CD84: variants seen among roughly 807,000 people sequenced by gnomAD.
CD84 encodes CD84 molecule.
CD84 carries 22 observed loss-of-function variants against 33.8 expected under a neutral mutation model. That is an observed-to-expected ratio of 0.65 (90% CI 0.46 to 0.93). The LOEUF is 0.93. Among genes scored for constraint, CD84 ranks in the 40% least tolerant of loss-of-function variants. The pLI is 0.00. For synonymous variants in CD84, 154 were observed against 145.2 expected (o/e 1.06, Z -0.44); for missense variants, 400 against 397.6 (o/e 1.01, Z -0.05).
At chr1:160,562,885 A>C (rs1657080382) in intron 2 of CD84, among the ~76,000 whole-genome samples, 1 of 151,976 alleles carries the variant, frequency 6.6e-6, no homozygotes, top group South Asian at 2.1e-4. Context: ...GGAAAAAACA[A>C]ACAGAAAAAA....
At chr1:160,553,105 A>T in intron 4 of CD84, 1 of 593,426 alleles carries the variant, frequency 1.7e-6, no homozygotes, top group East Asian at 2.9e-5. Flanking sequence ...ACACTCGTAC[A>T]GTGAAGCACA....
rs1191324169 is a variant in CD84, at chr1:160,545,622, ATTATT to A, written c.*2629_*2633del. Reference sequence around the variant, plus strand: ...CAGCCTCTGATGTATGCATCCTGATATTATTTTATTTTATTTTTATTTTTTGAGAC... The same window carrying A: ...CAGCCTCTGATGTATGCATCCTGATATTATTTTATTTTTATTTTTTGAGAC... On this transcript the variant is annotated 3_prime_UTR_variant, in exon 7 of 7. Transcript: ENST00000368054. The A allele has an allele frequency of 6.6e-6, 1 of 151,918 alleles. No individual in the cohort carries two copies. The highest frequency in any genetic ancestry group is 2.4e-5 in the African/African-American group (1 of 41,340). The allele number at this position is 151,918 out of a possible 1,614,324, so 9.4% of individuals were successfully genotyped here. A position where few individuals can be genotyped will look rare whatever the true frequency, so the allele number is the denominator to read the frequency against.
At chr1:160,559,861 A>T (rs369198181) in intron 2 of CD84, among the ~76,000 whole-genome samples, 1 of 152,278 alleles carries the variant, frequency 6.6e-6, no homozygotes, top group East Asian at 1.9e-4. Context: ...CTTTAAAGCA[A>T]CAAAGATAAA....
rs778097397 is a variant in CD84 at position 160,565,610 on chromosome 1, G to A, written c.182C>T (p.Ala61Val). The change falls in exon 2 of 7, where the codon GCT (alanine) becomes GTT (valine). Residue 61 changes from alanine to valine, a missense_variant. By Grantham distance (64) the Ala-to-Val change is moderately conservative. Coordinates refer to ENST00000368054, the MANE Select transcript of CD84 (RefSeq NM_003874.4). The part of the protein sequence containing the change: ...IIAWTSKTSV[A>V]YVTPGDSETA... ...TTCTGAGTCTCCTGGTGTTACATAA[G>A]CAACAGATGTTTTAGAAGTCCAAGC... 12 of 1,613,884 alleles carry A rather than the reference G, an allele frequency of 7.4e-6. No homozygotes were observed. The highest frequency in any genetic ancestry group is 2.2e-5 in the East Asian group (1 of 44,890).
chr1:160,565,522 C>A lies in CD84; in HGVS notation c.270G>T (p.Pro90=). Residue 90 remains proline, a synonymous_variant, in exon 2 of 7, where the codon CCG becomes CCT. Transcript: ENST00000368054. ...NYYERIHALG[P]NYNLVISDLR... is the part of the protein sequence containing the mutation. ...GATCGCTAATGACCAGATTGTAGTT[C>A]GGACCTAAGGCATGTATCCGTTCAT... 1 of 1,613,966 alleles carries A rather than the reference C, an allele frequency of 6.2e-7. No homozygotes were observed. Among genetic ancestry groups the A allele is most frequent in the Non-Finnish European group, 8.5e-7 (1 of 1,179,910 alleles).
intron 1 of CD84, among the ~76,000 whole-genome samples, chr1:160,573,469 C>T (rs1657814125): frequency 6.6e-6 from 1 of 152,200 alleles, no homozygotes; most frequent in South Asian, 2.1e-4. Flanking sequence ...TACTTCCCTA[C>T]TCCAACCACA....
intron 2 of CD84, among the ~76,000 whole-genome samples, chr1:160,554,823 G>A (rs1656496472): frequency 6.6e-6 from 1 of 151,786 alleles, no homozygotes; most frequent in South Asian, 2.1e-4. Flanking sequence ...GGATATAAAT[G>A]CTTAGCAAAA....
intron 1 of CD84, among the ~76,000 whole-genome samples, chr1:160,576,384 G>A (rs1386554431): frequency 3.3e-5 from 5 of 152,130 alleles, no homozygotes; most frequent in East Asian, 1.9e-4. Flanking sequence ...TAAAGTGAAC[G>A]GTATTTGAAA....
chr1:160,561,301 A>T (rs1217931735), intron 2 of CD84, among the ~76,000 whole-genome samples: 2 of 152,220 alleles, frequency 1.3e-5, no homozygotes, highest in Admixed American at 6.5e-5. Context: ...GCAGCACATC[A>T]TAAAGCTTAT....
At chr1:160,568,168 G>A (rs531397041) in intron 1 of CD84, among the ~76,000 whole-genome samples, 2 of 152,254 alleles carry the variant, frequency 1.3e-5, no homozygotes, top group African/African-American at 4.8e-5. Flanking sequence ...ATTTTGCTGG[G>A]TTCTCTCACT....
chr1:160,542,510 G>A lies in CD84; in HGVS notation c.*5746C>T, dbSNP rs896254849. 8.5e-5 allele frequency: 13 copies of A among 152,178 alleles called. No individual in the cohort carries two copies. Among genetic ancestry groups the A allele is most frequent in the Non-Finnish European group, 1.6e-4 (11 of 68,038 alleles). 9.4% of individuals were successfully genotyped at this position (152,178 alleles called of 1,614,324 possible). On this transcript the variant is annotated 3_prime_UTR_variant, in exon 7 of 7. Transcript: ENST00000368054. ...TTGGAAATACAAGTTGTAAATGAAA[G>A]AGTTGAGATTATGAGCATTTAAAAA... is the stretch of plus-strand genomic sequence containing the variant.
rs1409104073 is a variant in CD84, at chr1:160,553,477, T to C, written c.661A>G (p.Thr221Ala). The C allele has an allele frequency of 1.2e-6, 2 of 1,613,712 alleles. No homozygotes were observed. The highest frequency in any genetic ancestry group is 1.3e-5 in the African/African-American group (1 of 74,798). ...LCADIAMGFR[T>A]HHTGLLSVLA... ...ACGCTCAGCAACCCGGTGTGGTGAG[T>C]ACGGAAGCCCATTGCGATGTCTGGA... The change falls in exon 4 of 7, where the codon ACT (threonine) becomes GCT (alanine). Residue 221 changes from threonine (T) to alanine (A), a missense_variant. Coordinates refer to ENST00000368054, the MANE Select transcript of CD84 (RefSeq NM_003874.4).
rs1333195607 is a variant in CD84 at position 160,545,496 on chromosome 1, C to T, written c.*2760G>A. ...TGCACGTCTCTTCTTGGGGTGCTGT[C>T]TTTCACCTCCTTACAACTGGTTAGG... is the stretch of plus-strand genomic sequence containing the variant. On this transcript the variant is annotated 3_prime_UTR_variant, in exon 7 of 7. Coordinates refer to ENST00000368054, the MANE Select transcript of CD84 (RefSeq NM_003874.4). 1 of 152,216 alleles carries T rather than the reference C, an allele frequency of 6.6e-6. No homozygotes were observed. The highest frequency in any genetic ancestry group is 1.5e-5 in the Non-Finnish European group (1 of 68,074). 9.4% of individuals were successfully genotyped at this position (152,216 alleles called of 1,614,324 possible). A position where few individuals can be genotyped will look rare whatever the true frequency, so the allele number is the denominator to read the frequency against.
At chr1:160,558,125 A>G (rs1656727814) in intron 2 of CD84, among the ~76,000 whole-genome samples, 1 of 152,196 alleles carries the variant, frequency 6.6e-6, no homozygotes, top group African/African-American at 2.4e-5. Flanking sequence ...TGCTCTATCA[A>G]AAAGCAACCA....
intron 2 of CD84, among the ~76,000 whole-genome samples, chr1:160,562,992 C>G (rs1350839505): frequency 6.6e-6 from 1 of 152,094 alleles, no homozygotes; most frequent in Admixed American, 6.5e-5. Flanking sequence ...TGAAAAAAAG[C>G]TAAACATCAC....
chr1:160,550,869 A>T, intron 5 of CD84, 69 bp downstream of exon 5: 1 of 1,606,062 alleles, frequency 6.2e-7, no homozygotes, highest in Non-Finnish European at 8.5e-7. Flanking sequence ...AAGCAGAGGC[A>T]ATGGCTGCCC....
At chr1:160,575,075 C>T (rs960275459) in intron 1 of CD84, among the ~76,000 whole-genome samples, 1 of 152,112 alleles carries the variant, frequency 6.6e-6, no homozygotes, top group African/African-American at 2.4e-5. Context: ...ACCTCCACCC[C>T]CTTACTTTCT....
In CD84 at chr1:160,565,710, T is replaced by C; in HGVS notation, c.82A>G (p.Thr28Ala). Residue 28 changes from threonine (T) to alanine (A), a missense_variant, in exon 2 of 7, where the codon ACA (threonine) becomes GCA (alanine). Transcript: ENST00000368054. ...GACTCTCCCAGAATCCCATTCACTG[T>C]GAAGATTTCTGAGTCTTTTCCAGCT... Reference protein sequence around the residue: ...EAAGKDSEIFTVNGILGESVT... With the variant: ...EAAGKDSEIFAVNGILGESVT... The C allele has an allele frequency of 6.2e-7, 1 of 1,612,168 alleles. No individual in the cohort carries two copies. The highest frequency in any genetic ancestry group is 2.2e-5 in the East Asian group (1 of 44,782).
At chr1:160,561,021 A>G (rs1401666933) in intron 2 of CD84, among the ~76,000 whole-genome samples, 1 of 151,756 alleles carries the variant, frequency 6.6e-6, no homozygotes. Context: ...CCAACCAAAA[A>G]CAAAACAAAA....
Sources: gnomAD v4.1 joint callset for allele counts (sites outside exome capture counted in the v4.1 genomes callset) on GRCh38, gnomAD v4.1.1 for gene constraint, MANE v1.5 for transcripts, NCBI Gene and HGNC (gene_info 2026-07-23, HGNC 2026-07-21) for gene names.